The following FLT3 variants were observed in gnomAD, a reference collection of about 807,000 sequenced individuals.
FLT3 encodes the protein fms related receptor tyrosine kinase 3.
In FLT3, 46 loss-of-function variants were observed where a neutral mutation model predicts 126.6. That is an observed-to-expected ratio of 0.36 (90% confidence interval 0.29 to 0.46). The LOEUF is 0.46. Ranked by LOEUF, FLT3 falls within the 20% of genes least tolerant of loss-of-function variation. The probability of loss-of-function intolerance (pLI) is 1.00; values close to 1 mark genes in which losing one functional copy is unlikely to be tolerated. For missense variants in FLT3, 1,069 were observed against 1,190.3 expected (o/e 0.90, Z 1.50); for synonymous variants, 404 against 434.4 (o/e 0.93, Z 0.87).
At chr13:28,069,028 C>G (rs1376071828) in intron 2 of FLT3, among the ~76,000 whole-genome samples, 1 of 152,118 alleles carries the variant, frequency 6.6e-6, no homozygotes, top group African/African-American at 2.4e-5. Context: ...TCATGAAAAA[C>G]AAAGTCGGAA....
intron 3 of FLT3, among the ~76,000 whole-genome samples, chr13:28,060,466 T>TTA (rs745512875): frequency 8.1e-5 from 11 of 135,356 alleles, no homozygotes; most frequent in East Asian, 6.4e-4. Flanking sequence ...TAAAAATATT[T>TTA]AAAAAAAAAA....
intron 19 of FLT3, among the ~76,000 whole-genome samples, chr13:28,020,254 G>C (rs537835126): frequency 6.6e-6 from 1 of 152,044 alleles, no homozygotes; most frequent in African/African-American, 2.4e-5. Flanking sequence ...CCCCCAACCA[G>C]GTCTGCTGTG....
chr13:28,064,935 G>A (rs1008660881), intron 2 of FLT3, among the ~76,000 whole-genome samples: 18 of 152,242 alleles, frequency 1.2e-4, no homozygotes, highest in Non-Finnish European at 2.5e-4. Flanking sequence ...CTAAATGCTC[G>A]TACATAGATG....
intron 1 of FLT3, among the ~76,000 whole-genome samples, chr13:28,077,029 AAG>A (rs34403610): frequency 0.99 from 137,384 of 138,244 alleles, 68,265 homozygotes; most frequent in Middle Eastern, 1. Flanking sequence ...AAGGAAAAGA[AAG>A]AGAGAGAGAG....
rs1221770410 is a variant in FLT3, at chr13:28,035,500, G to C, written c.1592C>G (p.Ser531Cys). Residue 531 changes from serine to cysteine, a missense_variant, in exon 12 of 24, where the codon TCT becomes TGT. By Grantham distance (112) the Ser-to-Cys change is moderately radical. Coordinates refer to ENST00000241453, the MANE Select transcript of FLT3 (RefSeq NM_004119.3). Reference protein sequence around the residue: ...GTSCETILLNSPGPFPFIQDN... With the variant: ...GTSCETILLNCPGPFPFIQDN... The stretch of plus-strand genomic sequence containing the variant: ...CACAAGAACAACTGTTGTACCTGGA[G>C]AGTTTAAAAGGATCGTCTCACAAGA... 2.5e-6 allele frequency: 4 copies of C among 1,612,582 alleles called. No homozygotes were observed. Among genetic ancestry groups the C allele is most frequent in the African/African-American group, 1.3e-5 (1 of 74,866 alleles).
rs891111391 is a variant in FLT3, at chr13:28,100,245, A to G, written c.43+223T>C. ...GCCCGAGCCAGAGGAGAGACTTCGG[A>G]GAAGAGGGAAGAGGACGCGGGGTGG... is the stretch of plus-strand genomic sequence containing the variant. On this transcript the variant is annotated intron_variant, in intron 1 of 23. Transcript: ENST00000241453. The surrounding 1 kb of genome is among the most constrained non-coding windows in gnomAD (Gnocchi z 4.8). Among the ~76,000 whole-genome samples the G allele has an allele frequency of 6.6e-6, 1 of 151,988 alleles. No homozygotes were observed. Among genetic ancestry groups the G allele is most frequent in the Non-Finnish European group, 1.5e-5 (1 of 67,976 alleles).
chr13:28,042,891 AC>A (rs1174857217), intron 9 of FLT3, among the ~76,000 whole-genome samples: 26 of 140,006 alleles, frequency 1.9e-4, no homozygotes, highest in East Asian at 1.5e-3. Flanking sequence ...AAAAAAAAAA[AC>A]AACTCCTCTC....
intron 1 of FLT3, among the ~76,000 whole-genome samples, chr13:28,096,353 CA>C (rs1879448408): frequency 6.6e-6 from 1 of 151,418 alleles, no homozygotes; most frequent in African/African-American, 2.4e-5. Flanking sequence ...GGTCTTGTCT[CA>C]AAAAAAATTT....
At chr13:28,024,802 CA>C in intron 18 of FLT3, 58 bp downstream of exon 18, 1 of 1,154,400 alleles carries the variant, frequency 8.7e-7, no homozygotes, top group Non-Finnish European at 1.3e-6. Context: ...AAATAGCTAA[CA>C]TAAAACTTTT....
intron 15 of FLT3, among the ~76,000 whole-genome samples, chr13:28,032,481 A>T (rs755791632): frequency 6.6e-6 from 1 of 152,216 alleles, no homozygotes; most frequent in Non-Finnish European, 1.5e-5. Context: ...ATGGTGGCGC[A>T]TGCCTGTAGT....
rs753753892 is a variant in FLT3 at position 28,015,653 on chromosome 13, T to C, written c.2590A>G (p.Ile864Val). 2 of 1,613,464 alleles carry C rather than the reference T, an allele frequency of 1.2e-6. No homozygotes were observed. Among genetic ancestry groups the C allele is most frequent in the South Asian group, 1.1e-5 (1 of 91,032 alleles). ...WMAPESLFEG[I>V]YTIKSDVWSY... is the part of the protein sequence containing the mutation. ...CAGACATCACTCTTAATGGTGTAGA[T>C]GCCTTCAAACAGGCTTTCGGGGGCC... Residue 864 changes from isoleucine to valine, a missense_variant, in exon 21 of 24, where the codon ATC becomes GTC. Ile to Val is a conservative substitution (Grantham distance 29). Transcript: ENST00000241453.
At chr13:28,087,307 C>T (rs1878738507) in intron 1 of FLT3, among the ~76,000 whole-genome samples, 1 of 152,156 alleles carries the variant, frequency 6.6e-6, no homozygotes, top group South Asian at 2.1e-4. Flanking sequence ...TTGCTTCAAG[C>T]AATCCTCCTG....
chr13:28,091,443 G>C (rs1354202114), intron 1 of FLT3, among the ~76,000 whole-genome samples: 13 of 150,082 alleles, frequency 8.7e-5, no homozygotes, highest in Middle Eastern at 3.5e-3. Context: ...GGATGGTCTC[G>C]ATCTCCTGAC....
At position 28,015,164 on chromosome 13, in the gene FLT3, C is replaced by G. The variant is rs1337882825; in HGVS notation, c.2746G>C (p.Glu916Gln). The G allele has an allele frequency of 6.3e-7, 1 of 1,582,144 alleles. No homozygotes were observed. Among genetic ancestry groups the G allele is most frequent in the Admixed American group, 1.7e-5 (1 of 59,828 alleles). The change falls in exon 22 of 24, where the codon GAA (glutamate) becomes CAA (glutamine). Residue 916 changes from glutamate to glutamine, a missense_variant. Transcript: ENST00000241453. Reference sequence around the variant, plus strand: ...AGTCTGACTTGAACTTACATTTCTTCTGTAGCATAAAATGGCTGATCCATT... The same window carrying G: ...AGTCTGACTTGAACTTACATTTCTTGTGTAGCATAAAATGGCTGATCCATT... The part of the protein sequence containing the change: ...FKMDQPFYAT[E>Q]EIYIIMQSCW...
chr13:28,057,374 T>G lies in FLT3; in HGVS notation c.457A>C (p.Thr153Pro), dbSNP rs370615812. The change falls in exon 4 of 24, where the codon ACA (threonine) becomes CCA (proline). Residue 153 changes from threonine to proline, a missense_variant. Coordinates refer to ENST00000241453, the MANE Select transcript of FLT3 (RefSeq NM_004119.3). ...LFIQSEATNY[T>P]ILFTVSIRNT... ...CTTATACTCACTGTAAACAATATTG[T>G]GTAATTGGTAGCTTCACTCTGAATA... 3.2e-5 allele frequency: 48 copies of G among 1,507,002 alleles called. No homozygotes were observed. The highest frequency in any genetic ancestry group is 4.1e-5 in the Non-Finnish European group (44 of 1,082,190). The allele number at this position is 1,507,002 out of a possible 1,614,324, so 93.4% of individuals were successfully genotyped here.
In FLT3 at chr13:28,049,757, G is replaced by A. The variant is rs766677410; in HGVS notation, c.760C>T (p.Gln254Ter). The A allele has an allele frequency of 6.2e-7, 1 of 1,613,754 alleles. No individual in the cohort carries two copies. The highest frequency in any genetic ancestry group is 1.7e-5 in the Admixed American group (1 of 59,976). Reference sequence around the variant, plus strand: ...AGAAATAATTGTGGCAATGTGGTCTGAGGAGTTTGATTTAGATCTAGGAGA... The same window carrying A: ...AGAAATAATTGTGGCAATGTGGTCTAAGGAGTTTGATTTAGATCTAGGAGA... The part of the protein sequence containing the change: ...LFTIDLNQTP[Q>*]TTLPQLFLKV... The change falls in exon 7 of 24, where the codon CAG becomes TAG. Residue 254 changes from glutamine to a stop codon, truncating the protein, a stop_gained. Transcript: ENST00000241453. LOFTEE classifies it high-confidence loss of function.
chr13:28,070,221 C>T (rs1320696141), intron 2 of FLT3, among the ~76,000 whole-genome samples: 3 of 152,152 alleles, frequency 2.0e-5, no homozygotes, highest in South Asian at 2.1e-4. Flanking sequence ...GAACCATCCC[C>T]GCTGTATACC....
At position 28,100,252 on chromosome 13, in the gene FLT3, G is replaced by A. The variant is rs1018459276; in HGVS notation, c.43+216C>T. ...CCAGAGGAGAGACTTCGGAGAAGAGGGAAGAGGACGCGGGGTGGGAAACGC... is the reference window on the plus strand; with the variant it reads ...CCAGAGGAGAGACTTCGGAGAAGAGAGAAGAGGACGCGGGGTGGGAAACGC... On this transcript the variant is annotated intron_variant, in intron 1 of 23. Coordinates refer to ENST00000241453, the MANE Select transcript of FLT3 (RefSeq NM_004119.3). This position sits in a 1 kb window ranked among gnomAD's most constrained non-coding sequence, Gnocchi z 4.8. 6.6e-6 allele frequency among the ~76,000 whole-genome samples: 1 copy of A among 152,166 alleles called. No homozygotes were observed. The highest frequency in any genetic ancestry group is 2.4e-5 in the African/African-American group (1 of 41,460).
At chr13:28,029,372 G>A (rs1377296394) in intron 15 of FLT3, among the ~76,000 whole-genome samples, 4 of 151,712 alleles carry the variant, frequency 2.6e-5, no homozygotes, top group East Asian at 1.9e-4. Context: ...TCCAGCCTGG[G>A]TGACAGAGCG....
Sources: allele counts gnomAD v4.1 joint callset (sites outside exome capture counted in the v4.1 genomes callset), GRCh38; gene constraint gnomAD v4.1.1; non-coding constraint Gnocchi (gnomAD v3.1); transcripts MANE v1.5; gene names NCBI Gene and HGNC (gene_info 2026-07-23, HGNC 2026-07-21).